The following SRGAP2 variants were observed in gnomAD, a reference collection of about 807,000 sequenced individuals.
SRGAP2 encodes SLIT-ROBO Rho GTPase-activating protein 2.
In SRGAP2, 15 loss-of-function variants were observed where a neutral mutation model predicts 57.2. That is an observed-to-expected ratio of 0.26 (90% confidence interval 0.18 to 0.40). The LOEUF (loss-of-function observed/expected upper bound fraction) is 0.40, where lower values mean the gene tolerates loss of function less well. Among genes scored for constraint, SRGAP2 ranks in the 10% least tolerant of loss-of-function variants. The probability of loss-of-function intolerance (pLI) is 1.00; values close to 1 mark genes in which losing one functional copy is unlikely to be tolerated. For missense variants in SRGAP2, 520 were observed against 669.6 expected (o/e 0.78, Z 2.47); for synonymous variants, 249 against 248.0 (o/e 1.00, Z -0.04).
intron 2 of SRGAP2, among the ~76,000 whole-genome samples, chr1:206,254,180 T>TTTTTTTTTTG: frequency 1.8e-5 from 1 of 54,652 alleles, no homozygotes; most frequent in Admixed American, 1.6e-4. Context: ...GCTTTTTCTG[T>TTTTTTTTTTG]TTTTTTTTTT....
intron 4 of SRGAP2, among the ~76,000 whole-genome samples, chr1:206,377,178 G>A (rs1241036358): frequency 2.0e-5 from 3 of 152,140 alleles, no homozygotes; most frequent in Admixed American, 6.5e-5. Flanking sequence ...TATTCCAGAA[G>A]AGGAATCCTG....
At chr1:206,433,833 A>C (rs1192418552) in intron 14 of SRGAP2, among the ~76,000 whole-genome samples, 2 of 152,190 alleles carry the variant, frequency 1.3e-5, no homozygotes, top group African/African-American at 4.8e-5. Context: ...ATCTCTAAAC[A>C]AATATTTTAC....
chr1:206,443,058 A>G (rs1417585772), intron 17 of SRGAP2, among the ~76,000 whole-genome samples: 2 of 152,220 alleles, frequency 1.3e-5, no homozygotes, highest in Non-Finnish European at 2.9e-5. Flanking sequence ...AGGTAATTGC[A>G]TATCATTAAA....
At chr1:206,423,081 G>T (rs1234105389) in intron 13 of SRGAP2, among the ~76,000 whole-genome samples, 1 of 152,166 alleles carries the variant, frequency 6.6e-6, no homozygotes, top group African/African-American at 2.4e-5. Context: ...GTTTTTGAGG[G>T]TCTTTAATGG....
At chr1:206,255,040 A>G (rs1669100204) in intron 2 of SRGAP2, among the ~76,000 whole-genome samples, 2 of 151,540 alleles carry the variant, frequency 1.3e-5, no homozygotes, top group South Asian at 4.2e-4. Flanking sequence ...CTCATGCTTA[A>G]TACTCCAGTA....
intron 2 of SRGAP2, among the ~76,000 whole-genome samples, chr1:206,295,657 CAATAACATAATT>C (rs1671551585): frequency 6.6e-6 from 1 of 150,414 alleles, no homozygotes; most frequent in South Asian, 2.1e-4. Flanking sequence ...TTATAGTATA[CAATAACATAATT>C]TCTGTACTAT....
chr1:206,455,090 C>G lies in SRGAP2; in HGVS notation c.2507+66C>G, dbSNP rs1156553311. ...GCAACACCCAGCCTCACCCTCTGGC[C>G]TAACCCCCATCTCCATTCCTGTGCT... On this transcript the variant is annotated intron_variant, in intron 21 of 22. Transcript: ENST00000573034. 5 of 777,378 alleles carry G rather than the reference C, an allele frequency of 6.4e-6. No individual in the cohort carries two copies. The Admixed American group carries it at 8.5e-5, about 13-fold the overall frequency. 48.2% of individuals were successfully genotyped at this position (777,378 alleles called of 1,614,324 possible). A position where few individuals can be genotyped will look rare whatever the true frequency, so the allele number is the denominator to read the frequency against.
chr1:206,340,800 CT>C lies in SRGAP2; in HGVS notation c.261-2038del, dbSNP rs1319598182. ...TGAATTTAGGATTGTTTCCAGTTCA[CT>C]TTTTTTTCCCCAGATACTAAACATT... is the stretch of plus-strand genomic sequence containing the variant. On this transcript the variant is annotated intron_variant, in intron 3 of 22. Transcript: ENST00000573034. Among the ~76,000 whole-genome samples the C allele has an allele frequency of 8.0e-4, 119 of 149,138 alleles. 1 individual carries two copies. The highest frequency in any genetic ancestry group is 6.8e-3 in the Middle Eastern group (2 of 294).
intron 2 of SRGAP2, among the ~76,000 whole-genome samples, chr1:206,237,155 G>A (rs1257033212): frequency 2.0e-5 from 3 of 151,624 alleles, no homozygotes; most frequent in African/African-American, 7.3e-5. Context: ...CCAGCTACTC[G>A]GGAGGCTGAG....
At chr1:206,340,722 C>T (rs1553334953) in intron 3 of SRGAP2, among the ~76,000 whole-genome samples, 1 of 147,566 alleles carries the variant, frequency 6.8e-6, no homozygotes, top group African/African-American at 2.5e-5. Flanking sequence ...AGTTTTCTTG[C>T]AATGGAAACA....
At chr1:206,448,397 T>G (rs1462350466) in intron 18 of SRGAP2, among the ~76,000 whole-genome samples, 4 of 152,132 alleles carry the variant, frequency 2.6e-5, no homozygotes, top group Non-Finnish European at 5.9e-5. Context: ...CAGGTATTTT[T>G]GGGTCTGGTG....
intron 4 of SRGAP2, 95 bp from the exon 5 acceptor site, chr1:206,383,919 C>G: frequency 1.2e-6 from 1 of 828,488 alleles, no homozygotes; most frequent in Non-Finnish European, 2.0e-6. Flanking sequence ...TTAATTGAGT[C>G]TGGGTTATTT....
At chr1:206,209,656 T>G (rs1666184133) in intron 2 of SRGAP2, among the ~76,000 whole-genome samples, 1 of 151,410 alleles carries the variant, frequency 6.6e-6, no homozygotes. Context: ...CATAGCTCTT[T>G]CCAATTTACA....
rs1187385550 is a variant in SRGAP2, at chr1:206,420,047, A to G, written c.1469+647A>G. 3.3e-5 allele frequency among the ~76,000 whole-genome samples: 5 copies of G among 152,068 alleles called. 1 individual carries two copies. The highest frequency in any genetic ancestry group is 1.2e-4 in the African/African-American group (5 of 41,388). On this transcript the variant is annotated intron_variant, in intron 12 of 22. Transcript: ENST00000573034. The stretch of plus-strand genomic sequence containing the variant: ...TATGAGAAAATTTGTGAGCTGTCGG[A>G]GAGCAAGGTATTCATTCATCCAGCA...
At chr1:206,410,032 C>T (rs893170589) in intron 10 of SRGAP2, among the ~76,000 whole-genome samples, 7 of 152,170 alleles carry the variant, frequency 4.6e-5, no homozygotes, top group Non-Finnish European at 4.4e-5. Flanking sequence ...ACCCGGGAAG[C>T]GGAGGTTGCA....
chr1:206,437,001 C>T lies in SRGAP2; in HGVS notation c.1592C>T (p.Ser531Phe), dbSNP rs782737142. ...QHEGIFRVSG[S>F]QVEVNDIKNA... ...GAAGGAATTTTCCGGGTGTCAGGAT[C>T]CCAGGTGGAAGTGAATGACATCAAA... Residue 531 changes from serine to phenylalanine, a missense_variant, in exon 15 of 23, where the codon TCC becomes TTC. Around this residue, in one of 5 missense-constraint regions of SRGAP2, gnomAD observed 478 missense variants for 373.6 expected, o/e 1.28. Transcript: ENST00000573034. 3 of 780,764 alleles carry T rather than the reference C, an allele frequency of 3.8e-6. No homozygotes were observed. The highest frequency in any genetic ancestry group is 7.2e-6 in the Non-Finnish European group (3 of 417,928). The allele number at this position is 780,764 out of a possible 1,614,324, so 48.4% of individuals were successfully genotyped here. A position where few individuals can be genotyped will look rare whatever the true frequency, so the allele number is the denominator to read the frequency against.
rs181516723 is a variant in SRGAP2 at position 206,414,476 on chromosome 1, C to A, written c.1357-1413C>A. The stretch of plus-strand genomic sequence containing the variant: ...TTACCATTTAAAATGGTGCATCCAC[C>A]TATCTACCTCAGTGATCTCATATAT... On this transcript the variant is annotated intron_variant, in intron 10 of 22. Transcript: ENST00000573034. 2.6e-5 allele frequency among the ~76,000 whole-genome samples: 4 copies of A among 152,322 alleles called. No individual in the cohort carries two copies. The East Asian group carries it at 7.7e-4, about 29-fold the overall frequency.
intron 2 of SRGAP2, among the ~76,000 whole-genome samples, chr1:206,263,563 A>G (rs1669699008): frequency 6.6e-6 from 1 of 151,974 alleles, no homozygotes; most frequent in Non-Finnish European, 1.5e-5. Context: ...AGCATAAAAA[A>G]TAAATGAGCT....
chr1:206,421,570 C>A (rs543121939), intron 13 of SRGAP2, among the ~76,000 whole-genome samples: 93 of 152,296 alleles, frequency 6.1e-4, no homozygotes, highest in African/African-American at 2.0e-3. Context: ...GCATCCTTTT[C>A]CAAGACCACA....
Sources: gnomAD v4.1 joint callset for allele counts (sites outside exome capture counted in the v4.1 genomes callset) on GRCh38, gnomAD v4.1.1 for gene constraint, gnomAD v4.1.1 regional missense constraint, MANE v1.5 for transcripts, NCBI Gene and HGNC (gene_info 2026-07-23, HGNC 2026-07-21) for gene names.